The following SYT12 variants were observed in gnomAD, a reference collection of about 807,000 sequenced individuals.
The protein encoded by SYT12 is synaptotagmin-12.
A neutral mutation model predicts 39.5 loss-of-function variants in SYT12; 27 were observed. The ratio of observed to expected loss-of-function variants is 0.68; its 90% CI spans 0.50 to 0.94. The LOEUF (loss-of-function observed/expected upper bound fraction) is 0.94, where lower values mean the gene tolerates loss of function less well. SYT12 is among the 40% of genes least tolerant of loss of function. The probability of loss-of-function intolerance (pLI) is 0.00; values close to 1 mark genes in which losing one functional copy is unlikely to be tolerated. For synonymous variants in SYT12, 233 were observed against 239.7 expected, an observed-to-expected ratio of 0.97 and a Z score of 0.26; for missense variants, 536 against 572.6, an observed-to-expected ratio of 0.94 and a Z score of 0.65.
At chr11:67,024,339 G>A (rs990583359) in intron 1 of SYT12, among the ~76,000 whole-genome samples, 2 of 152,190 alleles carry the variant, frequency 1.3e-5, no homozygotes, top group Admixed American at 6.5e-5. Context: ...GAGACCCACC[G>A]AAGTTACCAC....
rs772111721 is a variant in SYT12, at chr11:67,045,856, G to C, written c.1071G>C (p.Ser357=). ...NPVFNEAMIF[S]VPAIVLQDLS... ...TGTTCAACGAAGCCATGATCTTCTC[G>C]GTGCCAGCCATTGTGCTCCAGGTGA... Residue 357 remains serine, a synonymous_variant, in exon 7 of 8, where the codon TCG becomes TCC. Transcript: ENST00000527043. 2 of 1,613,666 alleles carry C rather than the reference G, an allele frequency of 1.2e-6. No individual in the cohort carries two copies. The highest frequency in any genetic ancestry group is 1.7e-6 in the Non-Finnish European group (2 of 1,179,854).
chr11:67,025,100 T>C lies in SYT12; in HGVS notation c.-24+1640T>C, dbSNP rs568707020. On this transcript the variant is annotated intron_variant, in intron 1 of 7. Coordinates refer to ENST00000527043, the MANE Select transcript of SYT12 (RefSeq NM_177963.4). ...GACCAAGAGCCCAGGCCCAGATCCA[T>C]TGCACCCTGGCACCAATCCCAGTGT... 6.6e-5 allele frequency among the ~76,000 whole-genome samples: 10 copies of C among 152,290 alleles called. 1 individual carries two copies. In the East Asian group the frequency reaches 1.2e-3, roughly 18 times the overall value.
intron 4 of SYT12, among the ~76,000 whole-genome samples, chr11:67,041,635 G>A (rs532752319): frequency 2.0e-5 from 3 of 152,098 alleles, no homozygotes; most frequent in Non-Finnish European, 4.4e-5. Context: ...GGGAAGGTGA[G>A]GTTACTGGGC....
chr11:67,038,955 C>G (rs934234099), intron 3 of SYT12, among the ~76,000 whole-genome samples: 1 of 151,504 alleles, frequency 6.6e-6, no homozygotes, highest in African/African-American at 2.4e-5. Flanking sequence ...CCACTGCACT[C>G]CAGGCTGGGC....
intron 6 of SYT12, among the ~76,000 whole-genome samples, chr11:67,045,117 AG>A (rs1252842710): frequency 2.0e-5 from 3 of 152,084 alleles, no homozygotes; most frequent in Non-Finnish European, 4.4e-5. Context: ...AAAAGGGACC[AG>A]GGCCACGGGG....
chr11:67,044,719 G>A lies in SYT12; in HGVS notation c.958+6G>A. ...CAACGACAAGACCACAGCGGGTAAGGCCCAGCCGGCAGCCCGGCTCCTCCA... is the reference window on the plus strand; with the variant it reads ...CAACGACAAGACCACAGCGGGTAAGACCCAGCCGGCAGCCCGGCTCCTCCA... On this transcript the variant is annotated splice_donor_region_variant and intron_variant, in intron 6 of 7. Coordinates refer to ENST00000527043, the MANE Select transcript of SYT12 (RefSeq NM_177963.4). The A allele has an allele frequency of 1.2e-6, 2 of 1,613,174 alleles. No individual in the cohort carries two copies. Among genetic ancestry groups the A allele is most frequent in the Non-Finnish European group, 8.5e-7 (1 of 1,179,746 alleles).
chr11:67,034,969 G>A, intron 3 of SYT12, 131 bp downstream of exon 3: 1 of 418,162 alleles, frequency 2.4e-6, no homozygotes, highest in East Asian at 5.2e-5. Flanking sequence ...TGAAAGGGGA[G>A]TAGACCTCCC....
At chr11:67,015,650 T>G (rs931200886) in intron 3 of SYT12, among the ~76,000 whole-genome samples, 2 of 152,010 alleles carry the variant, frequency 1.3e-5, no homozygotes, top group Admixed American at 6.6e-5. Flanking sequence ...GCAATAAGAG[T>G]TAGAAACAGC....
intron 3 of SYT12, among the ~76,000 whole-genome samples, chr11:67,015,222 G>T (rs969862661): frequency 1.3e-5 from 2 of 152,360 alleles, no homozygotes; most frequent in Non-Finnish European, 1.5e-5. Flanking sequence ...CAGGTGTCTT[G>T]TGGAAGTAGA....
Position 67,045,892 on chromosome 11 carries a change from G to A in SYT12, c.1092+15G>A. ...TTGTGCTCCAGGTGAGGGGGGCTGG[G>A]GGATGGGAAGGGGCCAGGTCACCCC... On this transcript the variant is annotated intron_variant, in intron 7 of 7. Coordinates refer to ENST00000527043, the MANE Select transcript of SYT12 (RefSeq NM_177963.4). 6.2e-7 allele frequency: 1 copy of A among 1,613,448 alleles called. No individual in the cohort carries two copies. Among genetic ancestry groups the A allele is most frequent in the Non-Finnish European group, 8.5e-7 (1 of 1,179,738 alleles).
chr11:67,025,972 T>C (rs1305433320), intron 1 of SYT12, among the ~76,000 whole-genome samples: 8 of 151,900 alleles, frequency 5.3e-5, no homozygotes, highest in Admixed American at 5.2e-4. Flanking sequence ...TCACTTAACC[T>C]CTCTTAATCT....
intron 3 of SYT12, among the ~76,000 whole-genome samples, chr11:67,036,326 G>A (rs1950380157): frequency 6.6e-6 from 1 of 152,158 alleles, no homozygotes; most frequent in South Asian, 2.1e-4. Context: ...CATGTGCCAT[G>A]ATTGACTAAA....
chr11:67,029,284 G>A (rs1362478470), intron 1 of SYT12: 1 of 152,234 alleles, frequency 6.6e-6, no homozygotes, highest in Non-Finnish European at 1.5e-5. Flanking sequence ...ACTGATAATA[G>A]AATATTGCAG....
chr11:67,011,554 C>T (rs1276482361), intron 3 of SYT12, among the ~76,000 whole-genome samples: 1 of 151,850 alleles, frequency 6.6e-6, no homozygotes, highest in Non-Finnish European at 1.5e-5. Context: ...ATTTTCTTTT[C>T]TTATTTGGAA....
intron 3 of SYT12, among the ~76,000 whole-genome samples, chr11:67,037,807 A>T (rs1444256469): frequency 6.6e-6 from 1 of 150,894 alleles, no homozygotes; most frequent in East Asian, 2.0e-4. Context: ...GCTTGAACCC[A>T]GGAGGTGGAG....
chr11:67,048,593 C>G lies in SYT12; in HGVS notation c.1102C>G (p.Leu368Val), dbSNP rs186432117. The G allele has an allele frequency of 1.9e-6, 3 of 1,600,406 alleles. No individual in the cohort carries two copies. Among genetic ancestry groups the G allele is most frequent in the South Asian group, 1.1e-5 (1 of 90,870 alleles). Residue 368 changes from leucine to valine, a missense_variant, in exon 8 of 8, where the codon CTC becomes GTC. By Grantham distance (32) the Leu-to-Val change is conservative. Coordinates refer to ENST00000527043, the MANE Select transcript of SYT12 (RefSeq NM_177963.4). ...VPAIVLQDLS[L>V]RVTVAESSSD... The stretch of plus-strand genomic sequence containing the variant: ...GTTGCCTCTTCCTCAGGACCTGTCT[C>G]TCCGCGTGACGGTGGCTGAGAGCAG...
chr11:67,036,700 C>G (rs192461539), intron 3 of SYT12, among the ~76,000 whole-genome samples: 2 of 152,162 alleles, frequency 1.3e-5, no homozygotes, highest in Non-Finnish European at 2.9e-5. Context: ...CTTTGGGAGG[C>G]CGAGGCGGGC....
intron 3 of SYT12, among the ~76,000 whole-genome samples, chr11:67,013,760 A>G (rs1174186119): frequency 1.3e-5 from 2 of 152,232 alleles, no homozygotes; most frequent in Non-Finnish European, 2.9e-5. Flanking sequence ...GGCTGGGGCT[A>G]ATGCCGTCTG....
At position 67,040,242 on chromosome 11, in the gene SYT12, G is replaced by A. The variant is rs773314681; in HGVS notation, c.621+39G>A. The A allele has an allele frequency of 2.6e-6, 4 of 1,538,968 alleles. No homozygotes were observed. In the Admixed American group the frequency reaches 7.7e-5, roughly 30 times the overall value. ...AGGGCGGGGCAGAAGGGTGCTCTGGGCTCACTAGATGCCTCCCAGGCAGGC... is the reference window on the plus strand; with the variant it reads ...AGGGCGGGGCAGAAGGGTGCTCTGGACTCACTAGATGCCTCCCAGGCAGGC... On this transcript the variant is annotated intron_variant, in intron 4 of 7. Transcript: ENST00000527043.
Sources: allele counts gnomAD v4.1 joint callset (sites outside exome capture counted in the v4.1 genomes callset), GRCh38; gene constraint gnomAD v4.1.1; transcripts MANE v1.5; gene names NCBI Gene and HGNC (gene_info 2026-07-23, HGNC 2026-07-21).